PDCD6IP: variants seen among roughly 807,000 people sequenced by gnomAD.
PDCD6IP encodes the protein programmed cell death 6 interacting protein, also known as programmed cell death 6-interacting protein.
Under a neutral mutation model 103.7 loss-of-function variants are expected in PDCD6IP, and 43 were observed. The ratio of observed to expected loss-of-function variants is 0.41; its 90% CI spans 0.32 to 0.53. PDCD6IP has a LOEUF of 0.53. PDCD6IP is among the 20% of genes least tolerant of loss of function. The pLI is 0.16. For synonymous variants in PDCD6IP, 354 were observed against 378.7 expected, an observed-to-expected ratio of 0.93 and a Z score of 0.76; for missense variants, 871 against 1,036.7, an observed-to-expected ratio of 0.84 and a Z score of 2.20.
At chr3:33,859,081 T>A (rs949546068) in intron 15 of PDCD6IP, among the ~76,000 whole-genome samples, 1 of 152,154 alleles carries the variant, frequency 6.6e-6, no homozygotes, top group Non-Finnish European at 1.5e-5. Flanking sequence ...TACTGGTACA[T>A]GATTAGACAA....
chr3:33,810,647 T>C lies in PDCD6IP; in HGVS notation c.210-1425T>C, dbSNP rs562558162. On this transcript the variant is annotated intron_variant, in intron 1 of 17. Coordinates refer to ENST00000307296, the MANE Select transcript of PDCD6IP (RefSeq NM_013374.6). ...ATTTCTCTCTGCTACCTTTAAAAAA[T>C]GAGTTAAAAACTAGCTGGGTGTGGT... Among the ~76,000 whole-genome samples, 3 of 152,260 alleles carry C rather than the reference T, an allele frequency of 2.0e-5. No homozygotes were observed. The South Asian group carries it at 6.2e-4, about 32-fold the overall frequency.
rs774553705 is a variant in PDCD6IP, at chr3:33,845,595, A to T, written c.1641+7A>T. The stretch of plus-strand genomic sequence containing the variant: ...GACCATGCAGGGCAGTGAGGTAAGA[A>T]GGACACTTTGATGTAGGTTGTCATC... On this transcript the variant is annotated splice_region_variant and intron_variant, in intron 12 of 17. Coordinates refer to ENST00000307296, the MANE Select transcript of PDCD6IP (RefSeq NM_013374.6). 2 of 1,589,892 alleles carry T rather than the reference A, an allele frequency of 1.3e-6. No homozygotes were observed. The highest frequency in any genetic ancestry group is 1.7e-6 in the Non-Finnish European group (2 of 1,164,068).
chr3:33,846,830 C>A (rs1417884004), intron 12 of PDCD6IP, among the ~76,000 whole-genome samples: 4 of 152,140 alleles, frequency 2.6e-5, no homozygotes, highest in Non-Finnish European at 4.4e-5. Flanking sequence ...GCCTACTATT[C>A]CAGAACAGTG....
At position 33,864,068 on chromosome 3, in the gene PDCD6IP, A is replaced by G. The variant is rs1698013489; in HGVS notation, c.2183A>G (p.Gln728Arg). 2 of 1,614,152 alleles carry G rather than the reference A, an allele frequency of 1.2e-6. No homozygotes were observed. The highest frequency in any genetic ancestry group is 1.1e-5 in the South Asian group (1 of 91,080). ...CCTTCAATTCCTACACCTGCGTATC[A>G]GTCCTCACCAGCAGGAGGACATGCA... The part of the protein sequence containing the change: ...SAPSIPTPAY[Q>R]SSPAGGHAPT... The change falls in exon 16 of 18, where the codon CAG becomes CGG. Residue 728 changes from glutamine to arginine, a missense_variant. This residue lies in a region of PDCD6IP where 202 missense variants were observed against 205.2 expected (regional missense o/e 0.98). Transcript: ENST00000307296.
intron 12 of PDCD6IP, among the ~76,000 whole-genome samples, chr3:33,850,325 C>T (rs1402214149): frequency 6.8e-6 from 1 of 147,914 alleles, no homozygotes; most frequent in East Asian, 2.0e-4. Flanking sequence ...CTTTGTTAGA[C>T]CCATTTGTTT....
At chr3:33,841,048 G>T (rs1427742703) in intron 9 of PDCD6IP, among the ~76,000 whole-genome samples, 1 of 146,204 alleles carries the variant, frequency 6.8e-6, no homozygotes, top group South Asian at 2.1e-4. Context: ...TTTCCCCCGA[G>T]ACGGAGTCTC....
intron 6 of PDCD6IP, chr3:33,827,987 C>T (rs555868911): frequency 1.3e-5 from 2 of 152,236 alleles, no homozygotes; most frequent in African/African-American, 4.8e-5. Flanking sequence ...GATTCTCTTA[C>T]ATTTTTTGTT....
At chr3:33,841,026 C>CTT (rs552141831) in intron 9 of PDCD6IP, among the ~76,000 whole-genome samples, 18,760 of 140,624 alleles carry the variant, frequency 0.13, 1,657 homozygotes, top group East Asian at 0.38. Context: ...TATTTTTTGA[C>CTT]TTTTTTTTTT....
At chr3:33,840,851 A>G (rs1697451988) in intron 9 of PDCD6IP, among the ~76,000 whole-genome samples, 1 of 152,164 alleles carries the variant, frequency 6.6e-6, no homozygotes. Context: ...AAAAATAACT[A>G]TTTTGTGTAT....
In PDCD6IP at chr3:33,866,789, A is replaced by C. The variant is rs1170823405; in HGVS notation, c.*264A>C. ...AGTTCATAAAAATTGAAAATGAGAAATTAAACCTGCAAGTGAAACATTTGA... is the reference window on the plus strand; with the variant it reads ...AGTTCATAAAAATTGAAAATGAGAACTTAAACCTGCAAGTGAAACATTTGA... On this transcript the variant is annotated 3_prime_UTR_variant, in exon 18 of 18. Coordinates refer to ENST00000307296, the MANE Select transcript of PDCD6IP (RefSeq NM_013374.6). 1 of 326,136 alleles carries C rather than the reference A, an allele frequency of 3.1e-6. No homozygotes were observed. Among genetic ancestry groups the C allele is most frequent in the African/African-American group, 2.1e-5 (1 of 47,152 alleles). 20.2% of individuals were successfully genotyped at this position (326,136 alleles called of 1,614,324 possible).
chr3:33,852,813 G>A (rs1410308170), intron 13 of PDCD6IP, 77 bp downstream of exon 13: 2 of 1,429,028 alleles, frequency 1.4e-6, no homozygotes, highest in East Asian at 5.1e-5. Context: ...CCTATATTCA[G>A]TTAGGAAAAT....
intron 1 of PDCD6IP, among the ~76,000 whole-genome samples, chr3:33,802,623 G>T (rs1696502535): frequency 6.6e-6 from 1 of 151,824 alleles, no homozygotes; most frequent in Non-Finnish European, 1.5e-5. Flanking sequence ...CTGAGTAGCT[G>T]GGATTTACAG....
chr3:33,804,537 C>T (rs1467321395), intron 1 of PDCD6IP, among the ~76,000 whole-genome samples: 26 of 152,176 alleles, frequency 1.7e-4, no homozygotes, highest in Non-Finnish European at 3.8e-4. Flanking sequence ...TTTTTGGCTC[C>T]GTAATTTTAT....
In PDCD6IP at chr3:33,823,787, TAAATA is replaced by T. The variant is rs1358525702; in HGVS notation, c.463-1389_463-1385del. Among the ~76,000 whole-genome samples the T allele has an allele frequency of 5.3e-5, 8 of 152,192 alleles. No homozygotes were observed. The East Asian group carries it at 9.7e-4, about 18-fold the overall frequency. On this transcript the variant is annotated intron_variant, in intron 4 of 17. Coordinates refer to ENST00000307296, the MANE Select transcript of PDCD6IP (RefSeq NM_013374.6). ...ACAAGAGCAAGACTCTGTCTCAAAA[TAAATA>T]AAATAAAATACAGTAGTGAAAACGA...
chr3:33,843,312 C>T lies in PDCD6IP; in HGVS notation c.1360-800C>T, dbSNP rs1394943508. On this transcript the variant is annotated intron_variant, in intron 10 of 17. Transcript: ENST00000307296. ...ATCTGACCTCTCACCTTTTATTGTC[C>T]CTACCTATGTTTCTTGTTGACTTTT... Among the ~76,000 whole-genome samples the T allele has an allele frequency of 2.6e-5, 4 of 152,018 alleles. No individual in the cohort carries two copies. In the East Asian group the frequency reaches 5.8e-4, roughly 22 times the overall value.
chr3:33,813,810 C>A (rs1034256062), intron 3 of PDCD6IP, among the ~76,000 whole-genome samples, 182 bp downstream of exon 3: 1 of 152,168 alleles, frequency 6.6e-6, no homozygotes, highest in Non-Finnish European at 1.5e-5. Flanking sequence ...CATGCCTTGC[C>A]AGGCACTGTC....
At chr3:33,838,803 TA>T (rs199667676) in intron 9 of PDCD6IP, among the ~76,000 whole-genome samples, 2,287 of 151,510 alleles carry the variant, frequency 0.015, 24 homozygotes, top group South Asian at 0.024. Flanking sequence ...TGTATATATA[TA>T]TATTTTTTGT....
intron 15 of PDCD6IP, among the ~76,000 whole-genome samples, chr3:33,856,192 G>A (rs760986077): frequency 3.3e-5 from 5 of 152,214 alleles, no homozygotes; most frequent in Non-Finnish European, 5.9e-5. Context: ...CCGCTCCCCT[G>A]TGGAAAAATT....
rs898778996 is a variant in PDCD6IP, at chr3:33,838,188, C to A, written c.1058-16C>A. ...TTGTCTAAAAATTTTGTTGTAATTTCTCTTCCTAATTTTAGATCTGTTTGA... is the reference window on the plus strand; with the variant it reads ...TTGTCTAAAAATTTTGTTGTAATTTATCTTCCTAATTTTAGATCTGTTTGA... On this transcript the variant is annotated splice_polypyrimidine_tract_variant and intron_variant, in intron 8 of 17. Coordinates refer to ENST00000307296, the MANE Select transcript of PDCD6IP (RefSeq NM_013374.6). The A allele has an allele frequency of 1.2e-6, 2 of 1,609,696 alleles. No individual in the cohort carries two copies. Among genetic ancestry groups the A allele is most frequent in the African/African-American group, 1.3e-5 (1 of 74,752 alleles).
Sources: allele counts gnomAD v4.1 joint callset (sites outside exome capture counted in the v4.1 genomes callset), GRCh38; gene constraint gnomAD v4.1.1; regional missense constraint gnomAD v4.1.1; transcripts MANE v1.5; gene names NCBI Gene and HGNC (gene_info 2026-07-23, HGNC 2026-07-21).